ANXA3: variants seen among roughly 807,000 people sequenced by gnomAD.
ANXA3 encodes annexin A3.
Under a neutral mutation model 48.8 loss-of-function variants are expected in ANXA3, and 46 were observed. The ratio of observed to expected loss-of-function variants is 0.94; its 90% confidence interval spans 0.74 to 1.21. The LOEUF (loss-of-function observed/expected upper bound fraction) is 1.21, where lower values mean the gene tolerates loss of function less well. Among genes scored for constraint, ANXA3 ranks in the 50% most tolerant of loss-of-function variants. ANXA3 has a pLI of 0.00. For missense variants in ANXA3, 383 were observed against 378.6 expected (o/e 1.01, Z -0.10); for synonymous variants, 128 against 134.7 (o/e 0.95, Z 0.35).
At chr4:78,552,634 C>T (rs972456900) in intron 1 of ANXA3, among the ~76,000 whole-genome samples, 1 of 152,178 alleles carries the variant, frequency 6.6e-6, no homozygotes, top group Non-Finnish European at 1.5e-5. Flanking sequence ...GCCCCTCTGG[C>T]TACTGATACG....
At chr4:78,579,849 T>A (rs1723037013) in intron 4 of ANXA3, among the ~76,000 whole-genome samples, 2 of 152,254 alleles carry the variant, frequency 1.3e-5, no homozygotes, top group East Asian at 3.9e-4. Context: ...GGCAGGAGAA[T>A]TGCTTGAACC....
chr4:78,581,963 C>G (rs1174070229), intron 4 of ANXA3, among the ~76,000 whole-genome samples: 2 of 152,178 alleles, frequency 1.3e-5, no homozygotes, highest in South Asian at 2.1e-4. Context: ...CCATTTGGCT[C>G]TCCTTCAAAA....
intron 2 of ANXA3, among the ~76,000 whole-genome samples, chr4:78,568,522 A>G (rs1007736598): frequency 3.3e-5 from 5 of 152,194 alleles, no homozygotes; most frequent in Non-Finnish European, 7.3e-5. Flanking sequence ...GCTTCACCGC[A>G]TCTTCAAAAT....
intron 2 of ANXA3, among the ~76,000 whole-genome samples, chr4:78,572,265 T>C (rs1722853882): frequency 6.6e-6 from 1 of 152,208 alleles, no homozygotes; most frequent in African/African-American, 2.4e-5. Flanking sequence ...AAAAGAGGAC[T>C]CCTGAGATAT....
intron 6 of ANXA3, among the ~76,000 whole-genome samples, chr4:78,588,847 A>G (rs1723230964): frequency 6.6e-6 from 1 of 152,242 alleles, no homozygotes; most frequent in African/African-American, 2.4e-5. Context: ...ACAGAAGTAG[A>G]CAAGAGAATT....
At chr4:78,582,784 A>G (rs79250836) in intron 5 of ANXA3, among the ~76,000 whole-genome samples, 7,029 of 152,182 alleles carry the variant, frequency 0.046, 495 homozygotes, top group African/African-American at 0.15. Context: ...CTTTGCCTCC[A>G]TTTTTGCCCA....
chr4:78,594,282 T>C (rs1308526127), intron 7 of ANXA3, among the ~76,000 whole-genome samples: 1 of 148,690 alleles, frequency 6.7e-6, no homozygotes, highest in Admixed American at 6.8e-5. Context: ...ATATTTATTT[T>C]ACCTGCTGAA....
chr4:78,589,116 C>T (rs1723236076), intron 6 of ANXA3, among the ~76,000 whole-genome samples: 1 of 152,162 alleles, frequency 6.6e-6, no homozygotes, highest in Non-Finnish European at 1.5e-5. Context: ...CTATGTTGTT[C>T]ACTGCTGTAT....
At chr4:78,590,309 G>A (rs1462719136) in intron 6 of ANXA3, among the ~76,000 whole-genome samples, 8 of 151,986 alleles carry the variant, frequency 5.3e-5, no homozygotes, top group Non-Finnish European at 7.4e-5. Flanking sequence ...CTTTTTTGGT[G>A]GATTTTGCTT....
At chr4:78,573,837 T>C (rs1393278116) in intron 3 of ANXA3, among the ~76,000 whole-genome samples, 1 of 152,132 alleles carries the variant, frequency 6.6e-6, no homozygotes, top group African/African-American at 2.4e-5. Context: ...GGGTGTGTGA[T>C]TGAGTATGTT....
chr4:78,573,412 A>G (rs1560443484), intron 3 of ANXA3, 145 bp downstream of exon 3: 2 of 624,802 alleles, frequency 3.2e-6, no homozygotes, highest in East Asian at 5.6e-5. Flanking sequence ...GAGGAAATAT[A>G]TAGAGAACCC....
intron 12 of ANXA3, among the ~76,000 whole-genome samples, chr4:78,608,074 A>C (rs1038780562): frequency 5.9e-5 from 9 of 152,166 alleles, no homozygotes; most frequent in Non-Finnish European, 1.2e-4. Context: ...TCAATTAAAA[A>C]TATTATCAAA....
intron 1 of ANXA3, chr4:78,553,846 T>A (rs1722452624): frequency 6.6e-6 from 1 of 152,222 alleles, no homozygotes; most frequent in East Asian, 1.9e-4. Flanking sequence ...AATATCTATT[T>A]AAGAAAAATG....
intron 2 of ANXA3, among the ~76,000 whole-genome samples, chr4:78,555,960 T>C (rs979377632): frequency 2.0e-5 from 3 of 151,940 alleles, no homozygotes; most frequent in Admixed American, 6.6e-5. Context: ...AAAAGTAATG[T>C]AGAGGATGTG....
intron 7 of ANXA3, among the ~76,000 whole-genome samples, chr4:78,594,994 T>A (rs1723386072): frequency 6.6e-6 from 1 of 152,118 alleles, no homozygotes; most frequent in Admixed American, 6.6e-5. Context: ...ATTAGCTGTG[T>A]GTGGTGGTGT....
intron 7 of ANXA3, among the ~76,000 whole-genome samples, chr4:78,592,557 A>T (rs1723321966): frequency 6.6e-6 from 1 of 152,182 alleles, no homozygotes; most frequent in African/African-American, 2.4e-5. Context: ...GTGTATGGAC[A>T]TGAATGCACC....
chr4:78,572,692 C>T (rs138546405), intron 2 of ANXA3, among the ~76,000 whole-genome samples: 1 of 152,198 alleles, frequency 6.6e-6, no homozygotes, highest in East Asian at 1.9e-4. Flanking sequence ...CTCAAAAGGC[C>T]AACTGTAGGT....
chr4:78,582,230 GGTGGCCCTA>G lies in ANXA3; in HGVS notation c.256_264del (p.Ala86_Val88del). 2.5e-6 allele frequency: 4 copies of G among 1,613,834 alleles called. No homozygotes were observed. The highest frequency in any genetic ancestry group is 3.4e-6 in the Non-Finnish European group (4 of 1,179,762). On this transcript the variant is annotated inframe_deletion, in exon 5 of 13. Transcript: ENST00000264908. ...TCTCTGGCCACTTTGAGCATCTCAT[GGTGGCCCTA>G]GTGACTCCACCAGCAGTCTTTGATG... is the stretch of plus-strand genomic sequence containing the variant.
At chr4:78,601,708 C>A in intron 11 of ANXA3, 140 bp downstream of exon 11, 1 of 708,442 alleles carries the variant, frequency 1.4e-6, no homozygotes, top group Non-Finnish European at 2.4e-6. Flanking sequence ...TACAGCAAAT[C>A]AAGGTATGAT....
Sources: gnomAD v4.1 joint callset for allele counts (sites outside exome capture counted in the v4.1 genomes callset) on GRCh38, gnomAD v4.1.1 for gene constraint, MANE v1.5 for transcripts, NCBI Gene and HGNC (gene_info 2026-07-23, HGNC 2026-07-21) for gene names.